SLC35F1: variants seen among roughly 807,000 people sequenced by gnomAD.
SLC35F1 encodes solute carrier family 35 member F1.
A neutral mutation model predicts 48.7 loss-of-function variants in SLC35F1; 14 were observed. The observed-to-expected ratio is 0.29, with a 90% CI of 0.19 to 0.45. SLC35F1 has a LOEUF of 0.45. SLC35F1 is among the 20% of genes least tolerant of loss of function. The probability of loss-of-function intolerance (pLI) is 1.00; values close to 1 mark genes in which losing one functional copy is unlikely to be tolerated. For synonymous variants in SLC35F1, 190 were observed against 202.2 expected, an observed-to-expected ratio of 0.94 and a Z score of 0.51; for missense variants, 404 against 500.0, an observed-to-expected ratio of 0.81 and a Z score of 1.83.
At chr6:117,908,751 A>G (rs767886638) in intron 1 of SLC35F1, among the ~76,000 whole-genome samples, 1 of 152,222 alleles carries the variant, frequency 6.6e-6, no homozygotes, top group Non-Finnish European at 1.5e-5. Flanking sequence ...GTAACTTGAA[A>G]TGGTTGACGA....
chr6:118,055,229 C>A (rs1219720616), intron 1 of SLC35F1, among the ~76,000 whole-genome samples: 1 of 152,136 alleles, frequency 6.6e-6, no homozygotes, highest in Non-Finnish European at 1.5e-5. Flanking sequence ...TGGATACATG[C>A]ATTCTTGAGG....
intron 2 of SLC35F1, among the ~76,000 whole-genome samples, chr6:118,169,724 C>A (rs1468154922): frequency 6.6e-6 from 1 of 151,932 alleles, no homozygotes; most frequent in African/African-American, 2.4e-5. Flanking sequence ...ACCATGTAAA[C>A]CTTTCATCAT....
intron 3 of SLC35F1, among the ~76,000 whole-genome samples, chr6:118,260,925 C>A (rs1440342069): frequency 1.3e-5 from 2 of 152,186 alleles, no homozygotes; most frequent in Non-Finnish European, 2.9e-5. Context: ...GTGTCTGTCT[C>A]TCTAATGTCT....
chr6:118,311,831 T>C (rs372884702), intron 7 of SLC35F1, among the ~76,000 whole-genome samples: 1 of 152,130 alleles, frequency 6.6e-6, no homozygotes, highest in Non-Finnish European at 1.5e-5. Flanking sequence ...TCAATGACTA[T>C]ATCAGATTAT....
At chr6:118,157,986 A>G (rs560533122) in intron 2 of SLC35F1, among the ~76,000 whole-genome samples, 1 of 152,312 alleles carries the variant, frequency 6.6e-6, no homozygotes, top group Admixed American at 6.5e-5. Context: ...AGAAAGACCA[A>G]TGGAAAGAGG....
At chr6:117,927,488 G>T (rs909241921) in intron 1 of SLC35F1, among the ~76,000 whole-genome samples, 2 of 152,178 alleles carry the variant, frequency 1.3e-5, no homozygotes, top group African/African-American at 2.4e-5. Context: ...GAGGGAAGGC[G>T]TGTTGACCTC....
intron 2 of SLC35F1, among the ~76,000 whole-genome samples, chr6:118,173,048 G>A (rs754500385): frequency 3.9e-5 from 6 of 152,100 alleles, no homozygotes; most frequent in Non-Finnish European, 8.8e-5. Flanking sequence ...AAAAGATAAT[G>A]AGAATATACA....
chr6:117,936,742 A>G (rs1246809203), intron 1 of SLC35F1, among the ~76,000 whole-genome samples: 1 of 152,028 alleles, frequency 6.6e-6, no homozygotes, highest in Non-Finnish European at 1.5e-5. Flanking sequence ...AAAAAATTAC[A>G]GTTCTTTTAA....
intron 1 of SLC35F1, among the ~76,000 whole-genome samples, chr6:118,040,586 G>A (rs151065167): frequency 7.8e-4 from 119 of 152,212 alleles, no homozygotes; most frequent in African/African-American, 2.8e-3. Flanking sequence ...GGGAGACAGT[G>A]TTTCCATAGT....
chr6:118,257,275 G>T (rs1775657834), intron 3 of SLC35F1, among the ~76,000 whole-genome samples: 1 of 152,116 alleles, frequency 6.6e-6, no homozygotes, highest in Admixed American at 6.6e-5. Flanking sequence ...ACTTGGTGGA[G>T]TTGTGATGCT....
chr6:117,957,049 A>G (rs1447370847), intron 1 of SLC35F1, among the ~76,000 whole-genome samples: 1 of 152,100 alleles, frequency 6.6e-6, no homozygotes, highest in African/African-American at 2.4e-5. Flanking sequence ...TTCTTTAGCC[A>G]TGTGCTTGGT....
At position 118,257,982 on chromosome 6, in the gene SLC35F1, G is replaced by A. The variant is rs142578665; in HGVS notation, c.478-9013G>A. Among the ~76,000 whole-genome samples, 383 of 152,130 alleles carry A rather than the reference G, an allele frequency of 2.5e-3. 2 individuals carry two copies. The highest frequency in any genetic ancestry group is 8.7e-3 in the African/African-American group (361 of 41,528). On this transcript the variant is annotated intron_variant, in intron 3 of 7. Transcript: ENST00000360388. ...GTCAGAAAACATAAAATACCATAATGTACTAACTTTATTACACTCTGATTA... is the reference window on the plus strand; with the variant it reads ...GTCAGAAAACATAAAATACCATAATATACTAACTTTATTACACTCTGATTA...
chr6:118,272,780 AT>A (rs1350426657), intron 4 of SLC35F1, among the ~76,000 whole-genome samples: 1 of 137,114 alleles, frequency 7.3e-6, no homozygotes, highest in Non-Finnish European at 1.5e-5. Flanking sequence ...TATATATACC[AT>A]TTTTTAGCAT....
chr6:118,309,082 T>C (rs181127272), intron 7 of SLC35F1, among the ~76,000 whole-genome samples: 1 of 152,198 alleles, frequency 6.6e-6, no homozygotes, highest in Admixed American at 6.5e-5. Flanking sequence ...CTCAGGCTAC[T>C]CACAGTGCTC....
chr6:117,975,407 G>A (rs1470256080), intron 1 of SLC35F1, among the ~76,000 whole-genome samples: 3 of 152,182 alleles, frequency 2.0e-5, no homozygotes, highest in Admixed American at 1.3e-4. Context: ...GCTTTGACCT[G>A]GGATTGGCTG....
chr6:117,909,688 GA>G (rs1488007430), intron 1 of SLC35F1, among the ~76,000 whole-genome samples: 2 of 152,158 alleles, frequency 1.3e-5, no homozygotes, highest in Non-Finnish European at 2.9e-5. Flanking sequence ...AAAACACTTG[GA>G]AAAGTATAAA....
At chr6:118,019,670 C>A (rs1582622489) in intron 1 of SLC35F1, among the ~76,000 whole-genome samples, 1 of 152,012 alleles carries the variant, frequency 6.6e-6, no homozygotes, top group Non-Finnish European at 1.5e-5. Context: ...TAAAAGATTT[C>A]TTTTTACTTT....
At chr6:118,178,560 G>T (rs924357997) in intron 2 of SLC35F1, among the ~76,000 whole-genome samples, 1 of 152,014 alleles carries the variant, frequency 6.6e-6, no homozygotes, top group Non-Finnish European at 1.5e-5. Flanking sequence ...AGCTCAAGAA[G>T]AATCATATGT....
chr6:118,092,001 C>A (rs1184182747), intron 1 of SLC35F1, among the ~76,000 whole-genome samples: 1 of 151,892 alleles, frequency 6.6e-6, no homozygotes, highest in Non-Finnish European at 1.5e-5. Context: ...TTCTAAGTGG[C>A]GAAGCATTCA....
Sources: gnomAD v4.1 joint callset for allele counts (sites outside exome capture counted in the v4.1 genomes callset) on GRCh38, gnomAD v4.1.1 for gene constraint, MANE v1.5 for transcripts, NCBI Gene and HGNC (gene_info 2026-07-23, HGNC 2026-07-21) for gene names.